Variants in PHTF2 observed in about 807,000 individuals in gnomAD.
The protein encoded by PHTF2 is putative homeodomain transcription factor 2.
A neutral mutation model predicts 101.2 loss-of-function variants in PHTF2; 60 were observed. That is an observed-to-expected ratio of 0.59 (90% CI 0.48 to 0.73). PHTF2 has a LOEUF of 0.73. Ranked by LOEUF, PHTF2 falls within the 30% of genes least tolerant of loss-of-function variation. PHTF2 has a pLI of 0.00. For synonymous variants in PHTF2, 311 were observed against 307.3 expected (o/e 1.01, Z -0.13); for missense variants, 747 against 908.7 (o/e 0.82, Z 2.29).
intron 13 of PHTF2, 107 bp from the exon 13 acceptor site, chr7:77,939,923 T>C: frequency 1.3e-6 from 1 of 794,822 alleles, no homozygotes; most frequent in South Asian, 2.1e-5. Flanking sequence ...TCAGAATGAG[T>C]ATATTTTAAC....
Position 77,947,125 on chromosome 7 carries a change from A to AAACAACAAT in PHTF2, c.1960-2545_1960-2544insTAACAACAA, listed in dbSNP as rs1554395870. ...TAACAGAGTGAGACCCTGTCTTTAA[A>AAACAACAAT]AACAACAACAACAAACGCATATGTT... On this transcript the variant is annotated intron_variant, in intron 16 of 19. Transcript: ENST00000416283. Among the ~76,000 whole-genome samples the AAACAACAAT allele has an allele frequency of 6.4e-3, 965 of 151,720 alleles. 8 individuals carry two copies. Among genetic ancestry groups the AAACAACAAT allele is most frequent in the Non-Finnish European group, 9.5e-3 (645 of 67,984 alleles).
chr7:77,953,235 T>A (rs970816326), intron 18 of PHTF2, among the ~76,000 whole-genome samples: 5 of 152,228 alleles, frequency 3.3e-5, no homozygotes, highest in Non-Finnish European at 7.4e-5. Flanking sequence ...ATTTGTTGCA[T>A]GTCTACTAAA....
intron 9 of PHTF2, among the ~76,000 whole-genome samples, chr7:77,911,786 C>T (rs1584684651): frequency 6.6e-6 from 1 of 152,238 alleles, no homozygotes; most frequent in African/African-American, 2.4e-5. Flanking sequence ...CCTCCAGGGA[C>T]AATATGTTTT....
chr7:77,821,589 C>T (rs1794295912), intron 1 of PHTF2, among the ~76,000 whole-genome samples: 1 of 151,978 alleles, frequency 6.6e-6, no homozygotes, highest in Non-Finnish European at 1.5e-5. Context: ...GTTTCTCAGG[C>T]CCTTGACATG....
At chr7:77,954,610 G>GTGTGTATATATATA (rs1554397898) in intron 19 of PHTF2, among the ~76,000 whole-genome samples, 3 of 82,530 alleles carry the variant, frequency 3.6e-5, no homozygotes, top group African/African-American at 2.0e-4. Context: ...AACAAGTACT[G>GTGTGTATATATATA]TGTATATATA....
chr7:77,897,809 T>A (rs1026064070), intron 5 of PHTF2, among the ~76,000 whole-genome samples: 1 of 152,114 alleles, frequency 6.6e-6, no homozygotes, highest in Non-Finnish European at 1.5e-5. Context: ...GCCTCCCAAG[T>A]AGCTGGTATT....
intron 2 of PHTF2, among the ~76,000 whole-genome samples, chr7:77,846,294 T>G (rs1460874967): frequency 6.6e-6 from 1 of 152,182 alleles, no homozygotes; most frequent in East Asian, 1.9e-4. Flanking sequence ...TGCCAGTGAC[T>G]GGCATAGAAT....
chr7:77,920,355 A>G, exon 10 of PHTF2: 1 of 1,610,306 alleles, frequency 6.2e-7, no homozygotes, highest in Non-Finnish European at 8.5e-7. Context: ...TGGGAAGAAG[A>G]CTGTTAAAAG....
chr7:77,830,008 C>T (rs17158527), intron 1 of PHTF2, among the ~76,000 whole-genome samples: 24,191 of 152,052 alleles, frequency 0.16, 2,743 homozygotes, highest in African/African-American at 0.32. Context: ...TTCTAGCCCT[C>T]AAATTCATCT....
At chr7:77,935,812 T>C (rs1361303463) in intron 12 of PHTF2, among the ~76,000 whole-genome samples, 2 of 152,230 alleles carry the variant, frequency 1.3e-5, no homozygotes, top group Non-Finnish European at 2.9e-5. Context: ...GGTTGAAATC[T>C]GTTGGCTCTC....
intron 1 of PHTF2, among the ~76,000 whole-genome samples, chr7:77,819,370 T>G (rs1364294788): frequency 1.3e-5 from 2 of 152,272 alleles, no homozygotes; most frequent in Non-Finnish European, 2.9e-5. Flanking sequence ...TAGCTTTGGC[T>G]TTGCCATATA....
At chr7:77,837,189 TA>T (rs1795544005) in intron 1 of PHTF2, among the ~76,000 whole-genome samples, 1 of 152,190 alleles carries the variant, frequency 6.6e-6, no homozygotes, top group African/African-American at 2.4e-5. Context: ...TAAGATCCTC[TA>T]TTAAAGGTCC....
intron 3 of PHTF2, among the ~76,000 whole-genome samples, chr7:77,855,385 C>T (rs1797094978): frequency 6.6e-6 from 1 of 152,228 alleles, no homozygotes; most frequent in Admixed American, 6.5e-5. Flanking sequence ...TCACTCTCCT[C>T]TCCCCAAATG....
intron 3 of PHTF2, among the ~76,000 whole-genome samples, chr7:77,856,988 C>A (rs1297716218): frequency 1.3e-5 from 2 of 152,050 alleles, no homozygotes; most frequent in African/African-American, 4.8e-5. Context: ...ATTAGAGTAT[C>A]TTTCAGTACT....
intron 15 of PHTF2, 143 bp from the exon 15 acceptor site, chr7:77,942,557 A>G: frequency 2.3e-6 from 1 of 443,238 alleles, no homozygotes; most frequent in Non-Finnish European, 4.0e-6. Flanking sequence ...TTTGCCTAAC[A>G]AATTAGGTAT....
chr7:77,922,854 TAAA>T, intron 11 of PHTF2, 76 bp downstream of exon 10: 1 of 1,291,002 alleles, frequency 7.7e-7, no homozygotes, highest in South Asian at 1.6e-5. Flanking sequence ...TTTCAACAAT[TAAA>T]AATTGTTGAA....
chr7:77,925,757 A>ATGTATAAAATGACCCACTTG (rs1490163649), intron 11 of PHTF2, among the ~76,000 whole-genome samples: 1 of 152,022 alleles, frequency 6.6e-6, no homozygotes. Context: ...AGAGTTTTAA[A>ATGTATAAAATGACCCACTTG]TGTATAAAAT....
At chr7:77,890,699 G>A (rs1444247940) in intron 3 of PHTF2, among the ~76,000 whole-genome samples, 5 of 140,044 alleles carry the variant, frequency 3.6e-5, no homozygotes, top group Admixed American at 1.6e-4. Context: ...TCCGCCTCCC[G>A]GGTTCACGCC....
intron 11 of PHTF2, among the ~76,000 whole-genome samples, chr7:77,926,053 C>CAA (rs573766089): frequency 7.1e-6 from 1 of 141,722 alleles, no homozygotes; most frequent in Admixed American, 7.1e-5. Flanking sequence ...GACTCCATCT[C>CAA]AAAAAAAAAA....
Sources: gnomAD v4.1 joint callset for allele counts (sites outside exome capture counted in the v4.1 genomes callset) on GRCh38, gnomAD v4.1.1 for gene constraint, MANE v1.5 for transcripts, NCBI Gene and HGNC (gene_info 2026-07-23, HGNC 2026-07-21) for gene names.